LRRC56: variants seen among roughly 807,000 people sequenced by gnomAD.
LRRC56 encodes leucine-rich repeat-containing protein 56.
LRRC56 carries 41 observed loss-of-function variants against 47.8 expected under a neutral mutation model. The ratio of observed to expected loss-of-function variants is 0.86; its 90% CI spans 0.67 to 1.11. The LOEUF is 1.11. LRRC56 is among the 50% of genes most tolerant of loss of function. The pLI, the probability that LRRC56 is intolerant of heterozygous loss-of-function variation, is 0.00. For synonymous variants in LRRC56, 387 were observed against 311.2 expected, an observed-to-expected ratio of 1.24 and a Z score of -2.56; for missense variants, 759 against 704.2, an observed-to-expected ratio of 1.08 and a Z score of -0.88.
At chr11:525,392 A>G in the LRRC56 span, among the ~76,000 whole-genome samples, 2 of 151,870 alleles carry the variant, frequency 1.3e-5, no homozygotes, top group Non-Finnish European at 2.9e-5. Flanking sequence ...ACAAAAAATT[A>G]GCCGGCCGTG....
intron 1 of LRRC56, among the ~76,000 whole-genome samples, chr11:537,833 GC>G (rs1851597939): frequency 6.6e-6 from 1 of 152,196 alleles, no homozygotes. Flanking sequence ...GGGGCCCCAA[GC>G]CCTGCCCCTG....
upstream of LRRC56, among the ~76,000 whole-genome samples, chr11:536,491 C>T (rs1252679376): frequency 1.3e-5 from 2 of 152,340 alleles, no homozygotes; most frequent in Admixed American, 6.5e-5. Context: ...CAAAAAGGGC[C>T]GGGCGCGGTG....
rs1377267011 is a variant in LRRC56 at position 552,115 on chromosome 11, C to CCCA, written c.1065_1067dup (p.Pro355_Gln356insHis). 3.7e-6 allele frequency: 6 copies of CCCA among 1,612,168 alleles called. No individual in the cohort carries two copies. The highest frequency in any genetic ancestry group is 5.1e-6 in the Non-Finnish European group (6 of 1,179,626). On this transcript the variant is annotated inframe_insertion, in exon 12 of 14. Transcript: ENST00000270115. ...GCCAGGGAGCCCCCCGAGCAGCTGCCCCAACACAGGCCAGGAGATCCGGCC... is the reference window on the plus strand; with the variant it reads ...GCCAGGGAGCCCCCCGAGCAGCTGCCCCACCAACACAGGCCAGGAGATCCGGCC...
the LRRC56 span, among the ~76,000 whole-genome samples, chr11:528,126 G>T: frequency 6.6e-6 from 1 of 152,186 alleles, no homozygotes; most frequent in Non-Finnish European, 1.5e-5. Context: ...TTGAGCCACC[G>T]TGCCCGGCCT....
the LRRC56 span, among the ~76,000 whole-genome samples, chr11:517,656 C>G: frequency 6.6e-6 from 1 of 152,028 alleles, no homozygotes; most frequent in Non-Finnish European, 1.5e-5. Context: ...GGGAAGTGTA[C>G]CCAACAGCTC....
rs539706046 is a variant in LRRC56 at position 554,901 on chromosome 11, T to C, written c.*625T>C. 5 of 1,014,982 alleles carry C rather than the reference T, an allele frequency of 4.9e-6. No homozygotes were observed. Among genetic ancestry groups the C allele is most frequent in the African/African-American group, 3.4e-5 (2 of 58,308 alleles). The allele number at this position is 1,014,982 out of a possible 1,614,324, so 62.9% of individuals were successfully genotyped here. A position where few individuals can be genotyped will look rare whatever the true frequency, so the allele number is the denominator to read the frequency against. ...TTGTAGGCCACGTTGGTTCAATAAA[T>C]GATGCAGCGGACACAGCCCGCCCAG... On this transcript the variant is annotated 3_prime_UTR_variant, in exon 14 of 14. Coordinates refer to ENST00000270115, the MANE Select transcript of LRRC56 (RefSeq NM_198075.4).
the LRRC56 span, among the ~76,000 whole-genome samples, chr11:531,465 C>T: frequency 6.6e-6 from 1 of 152,190 alleles, no homozygotes; most frequent in Non-Finnish European, 1.5e-5. Context: ...TAGAACTTGG[C>T]CCAAGGCAGG....
In LRRC56 at chr11:551,633, C is replaced by T. The variant is rs1242106747; in HGVS notation, c.797-18C>T. The T allele has an allele frequency of 6.5e-7, 1 of 1,539,162 alleles. No homozygotes were observed. The highest frequency in any genetic ancestry group is 8.7e-7 in the Non-Finnish European group (1 of 1,143,356). Reference sequence around the variant, plus strand: ...TCAGGCTGGGCCTTGGTGACCTCTGCTTCTGAACCTCGGGCAGACTGTCCC... The same window carrying T: ...TCAGGCTGGGCCTTGGTGACCTCTGTTTCTGAACCTCGGGCAGACTGTCCC... On this transcript the variant is annotated intron_variant, in intron 9 of 13. Transcript: ENST00000270115.
In LRRC56 at chr11:553,966, C is replaced by T. The variant is rs370021257; in HGVS notation, c.1319C>T (p.Pro440Leu). The change falls in exon 14 of 14, where the codon CCC (proline) becomes CTC (leucine). Residue 440 changes from proline to leucine, a missense_variant. Pro to Leu is a moderately conservative substitution (Grantham distance 98). Transcript: ENST00000270115. Reference sequence around the variant, plus strand: ...CATCACTCTGCTTGCTTTCTAGAGCCCTCCGGGACCTCGAGCCAGCACCTG... The same window carrying T: ...CATCACTCTGCTTGCTTTCTAGAGCTCTCCGGGACCTCGAGCCAGCACCTG... The part of the protein sequence containing the change: ...PSSPPSLASE[P>L]SGTSSQHLVP... 3.1e-6 allele frequency: 5 copies of T among 1,610,452 alleles called. No individual in the cohort carries two copies. The highest frequency in any genetic ancestry group is 2.7e-5 in the African/African-American group (2 of 74,810).
the LRRC56 span, among the ~76,000 whole-genome samples, chr11:515,267 G>C: frequency 2.0e-5 from 3 of 152,136 alleles, no homozygotes; most frequent in African/African-American, 7.2e-5. Context: ...CGAGAGCACA[G>C]CACCCCATGA....
At chr11:552,535 A>T in intron 12 of LRRC56, 34 bp from the exon 13 acceptor site, 1 of 1,564,766 alleles carries the variant, frequency 6.4e-7, no homozygotes, top group African/African-American at 1.4e-5. Context: ...TGGGGGGATC[A>T]GGGCTGGAGC....
At position 541,733 on chromosome 11, in the gene LRRC56, G is replaced by C; in HGVS notation, c.265+109G>C. 1.5e-6 allele frequency: 1 copy of C among 675,900 alleles called. No homozygotes were observed. The highest frequency in any genetic ancestry group is 2.4e-6 in the Non-Finnish European group (1 of 419,288). 41.9% of individuals were successfully genotyped at this position (675,900 alleles called of 1,614,324 possible). On this transcript the variant is annotated intron_variant, in intron 5 of 13. Transcript: ENST00000270115. This position sits in a 1 kb window ranked among gnomAD's most constrained non-coding sequence, Gnocchi z 4.1. Reference sequence around the variant, plus strand: ...AAGCTGTCCTCACCTCTCGGGCCGCGTATCGGCTTCCTTAGGGTTGGCCTC... The same window carrying C: ...AAGCTGTCCTCACCTCTCGGGCCGCCTATCGGCTTCCTTAGGGTTGGCCTC...
intron 1 of LRRC56, among the ~76,000 whole-genome samples, 163 bp downstream of exon 1, chr11:537,768 T>G (rs1330631567): frequency 1.3e-5 from 2 of 152,164 alleles, no homozygotes; most frequent in African/African-American, 4.8e-5. Flanking sequence ...TGAGGACCCT[T>G]GCCTCCACCA....
the LRRC56 span, among the ~76,000 whole-genome samples, chr11:521,622 A>G: frequency 6.6e-6 from 1 of 152,216 alleles, no homozygotes; most frequent in Non-Finnish European, 1.5e-5. Flanking sequence ...GATATTTTCA[A>G]AAACAATTAC....
At position 540,818 on chromosome 11, in the gene LRRC56, T is replaced by A. The variant is rs1851759850; in HGVS notation, c.134T>A (p.Leu45His). Residue 45 changes from leucine (L) to histidine (H), a missense_variant, in exon 4 of 14, where the codon CTT (leucine) becomes CAT (histidine). By Grantham distance (99) the Leu-to-His change is moderately conservative. Transcript: ENST00000270115. ...GGCCCTGGCAGTCAGAGGGACAGAC[T>A]TGGAGAGCAGCTGGTGGAAGAGTAC... ...SKGPGSQRDR[L>H]GEQLVEEYLS... 1.9e-6 allele frequency: 3 copies of A among 1,594,728 alleles called. No homozygotes were observed. Among genetic ancestry groups the A allele is most frequent in the Non-Finnish European group, 2.6e-6 (3 of 1,171,438 alleles).
chr11:549,271 C>T (rs982653178), intron 6 of LRRC56, among the ~76,000 whole-genome samples: 1 of 152,170 alleles, frequency 6.6e-6, no homozygotes, highest in Admixed American at 6.5e-5. Flanking sequence ...GCAGAGATGG[C>T]GTAGCAGCGC....
the LRRC56 span, among the ~76,000 whole-genome samples, chr11:526,417 C>T: frequency 7.2e-5 from 11 of 152,088 alleles, no homozygotes; most frequent in Non-Finnish European, 1.3e-4. Flanking sequence ...GCTGAGAAGG[C>T]AAGGGGCCCG....
upstream of LRRC56, chr11:532,715 C>T (rs753977266): frequency 8.7e-6 from 14 of 1,613,060 alleles, no homozygotes; most frequent in South Asian, 1.1e-5. Context: ...CTTGTGCTGC[C>T]GGATCTCACG....
the LRRC56 span, among the ~76,000 whole-genome samples, chr11:513,962 A>G: frequency 6.6e-6 from 1 of 152,000 alleles, no homozygotes; most frequent in Non-Finnish European, 1.5e-5. Context: ...GATTGCTGGC[A>G]CTTTCTATCA....
Sources: gnomAD v4.1 joint callset for allele counts (sites outside exome capture counted in the v4.1 genomes callset) on GRCh38, gnomAD v4.1.1 for gene constraint, Gnocchi (gnomAD v3.1) non-coding constraint, MANE v1.5 for transcripts, NCBI Gene and HGNC (gene_info 2026-07-23, HGNC 2026-07-21) for gene names.